The following RGS7 variants were observed in gnomAD, a reference collection of about 807,000 sequenced individuals.
RGS7 encodes regulator of G protein signaling 7.
In RGS7, 27 loss-of-function variants were observed where a neutral mutation model predicts 81.1. That is an observed-to-expected ratio of 0.33 (90% CI 0.25 to 0.46). The LOEUF is 0.46. Ranked by LOEUF, RGS7 falls within the 20% of genes least tolerant of loss-of-function variation. RGS7 has a pLI of 1.00. For missense variants in RGS7, 396 were observed against 607.4 expected, an observed-to-expected ratio of 0.65 and a Z score of 3.66; for synonymous variants, 208 against 207.7, an observed-to-expected ratio of 1.00 and a Z score of -0.01.
At chr1:241,097,326 G>C (rs1299288681) in intron 3 of RGS7, among the ~76,000 whole-genome samples, 1 of 152,074 alleles carries the variant, frequency 6.6e-6, no homozygotes, top group Non-Finnish European at 1.5e-5. Flanking sequence ...GGGCATAAGA[G>C]GGAGTAACAG....
chr1:241,276,599 C>T (rs926684363), intron 2 of RGS7, among the ~76,000 whole-genome samples: 1 of 152,162 alleles, frequency 6.6e-6, no homozygotes, highest in Non-Finnish European at 1.5e-5. Context: ...TGCAAGCATC[C>T]TCTTTTGTTG....
At chr1:241,299,251 G>A (rs1164077557) in intron 2 of RGS7, among the ~76,000 whole-genome samples, 1 of 152,098 alleles carries the variant, frequency 6.6e-6, no homozygotes, top group African/African-American at 2.4e-5. Context: ...TTCTAGGCTT[G>A]CTAATAGTCC....
At chr1:241,122,595 A>C (rs1220753409) in intron 2 of RGS7, among the ~76,000 whole-genome samples, 4 of 151,354 alleles carry the variant, frequency 2.6e-5, no homozygotes, top group Non-Finnish European at 5.9e-5. Flanking sequence ...CCCGAGAGGC[A>C]GAGATTGCAG....
At chr1:240,975,799 C>T (rs577293146) in intron 4 of RGS7, among the ~76,000 whole-genome samples, 6 of 152,322 alleles carry the variant, frequency 3.9e-5, no homozygotes, top group Admixed American at 1.3e-4. Flanking sequence ...AAACTCAACC[C>T]GAAGGATAGT....
chr1:241,228,342 A>G (rs1282688584), intron 2 of RGS7, among the ~76,000 whole-genome samples: 1 of 152,214 alleles, frequency 6.6e-6, no homozygotes, highest in Non-Finnish European at 1.5e-5. Context: ...CCCTGTCTAA[A>G]TTGCTAACAC....
chr1:241,234,557 A>G (rs973658342), intron 2 of RGS7, among the ~76,000 whole-genome samples: 35 of 151,652 alleles, frequency 2.3e-4, no homozygotes, highest in African/African-American at 8.2e-4. Context: ...CCCTGAGTGG[A>G]TGAAGTGAAG....
At position 240,945,115 on chromosome 1, in the gene RGS7, G is replaced by T. The variant is rs140174424; in HGVS notation, c.227-8409C>A. Among the ~76,000 whole-genome samples the T allele has an allele frequency of 3.5e-3, 534 of 152,356 alleles. 4 individuals are homozygous for T. The highest frequency in any genetic ancestry group is 0.011 in the African/African-American group (472 of 41,590). On this transcript the variant is annotated intron_variant, in intron 4 of 18. Coordinates refer to ENST00000440928, the MANE Select transcript of RGS7 (RefSeq NM_001364886.1). ...AGATGTGCAGTCAAAACACTAGCTAGAAGTTGTGGCAGAGCAGCCGCCATC... is the reference window on the plus strand; with the variant it reads ...AGATGTGCAGTCAAAACACTAGCTATAAGTTGTGGCAGAGCAGCCGCCATC...
At chr1:240,863,248 AG>A (rs553186236) in intron 9 of RGS7, among the ~76,000 whole-genome samples, 2 of 152,092 alleles carry the variant, frequency 1.3e-5, no homozygotes, top group African/African-American at 4.8e-5. Context: ...CTGAGGCGGG[AG>A]GATCACTTGA....
chr1:241,109,777 G>A (rs2065384682), intron 2 of RGS7, among the ~76,000 whole-genome samples: 2 of 151,940 alleles, frequency 1.3e-5, no homozygotes, highest in South Asian at 2.1e-4. Flanking sequence ...GACGAACATG[G>A]TGAAACCGTC....
At chr1:240,926,567 A>G (rs1273174135) in intron 6 of RGS7, among the ~76,000 whole-genome samples, 2 of 152,158 alleles carry the variant, frequency 1.3e-5, no homozygotes, top group Non-Finnish European at 2.9e-5. Context: ...GTGTGTCCAG[A>G]GGTACCAGTA....
At chr1:241,225,635 C>A (rs2075272794) in intron 2 of RGS7, among the ~76,000 whole-genome samples, 1 of 152,070 alleles carries the variant, frequency 6.6e-6, no homozygotes, top group Admixed American at 6.6e-5. Flanking sequence ...ATATTACAGG[C>A]CTTTGAGTGA....
intron 9 of RGS7, among the ~76,000 whole-genome samples, chr1:240,861,778 G>A (rs1283532186): frequency 1.4e-4 from 21 of 151,284 alleles, no homozygotes; most frequent in Admixed American, 6.6e-5. Context: ...CCTCCTTACC[G>A]TCCATCCATT....
intron 6 of RGS7, among the ~76,000 whole-genome samples, chr1:240,881,189 G>A (rs1273889127): frequency 1.3e-5 from 2 of 152,112 alleles, no homozygotes; most frequent in South Asian, 2.1e-4. Flanking sequence ...ATGAGTTCAT[G>A]TCCTTTGTAG....
intron 2 of RGS7, among the ~76,000 whole-genome samples, chr1:241,324,093 C>T (rs563968363): frequency 3.9e-5 from 6 of 152,264 alleles, no homozygotes; most frequent in East Asian, 3.9e-4. Context: ...TTAGCACAGA[C>T]GGCTCCAATG....
At chr1:240,818,749 A>G (rs1225457579) in intron 10 of RGS7, among the ~76,000 whole-genome samples, 1 of 152,220 alleles carries the variant, frequency 6.6e-6, no homozygotes, top group Non-Finnish European at 1.5e-5. Context: ...AAGCTAAAGT[A>G]GAGAGTAGAG....
At chr1:241,052,114 C>T (rs1429301144) in intron 3 of RGS7, among the ~76,000 whole-genome samples, 2 of 152,110 alleles carry the variant, frequency 1.3e-5, no homozygotes. Flanking sequence ...GAACATTTTC[C>T]AAGAGCCTAA....
intron 9 of RGS7, among the ~76,000 whole-genome samples, chr1:240,858,099 T>G (rs1661488786): frequency 6.6e-6 from 1 of 152,214 alleles, no homozygotes; most frequent in Non-Finnish European, 1.5e-5. Flanking sequence ...AGCATGAGAA[T>G]GAACTAATAC....
chr1:241,017,538 G>C (rs2059322273), intron 3 of RGS7, among the ~76,000 whole-genome samples: 1 of 151,044 alleles, frequency 6.6e-6, no homozygotes, highest in Admixed American at 6.6e-5. Context: ...TACGAGTTTA[G>C]TCTTTATTTC....
intron 4 of RGS7, among the ~76,000 whole-genome samples, chr1:240,950,315 C>T (rs578152907): frequency 3.3e-5 from 5 of 152,214 alleles, no homozygotes; most frequent in East Asian, 1.9e-4. Flanking sequence ...GTAATCATTG[C>T]GAAAAATGCC....
Sources: gnomAD v4.1 joint callset for allele counts (sites outside exome capture counted in the v4.1 genomes callset) on GRCh38, gnomAD v4.1.1 for gene constraint, MANE v1.5 for transcripts, NCBI Gene and HGNC (gene_info 2026-07-23, HGNC 2026-07-21) for gene names.